TASOR2: variants seen among roughly 807,000 people sequenced by gnomAD.
The protein encoded by TASOR2 is protein TASOR 2.
Under a neutral mutation model 199.5 loss-of-function variants are expected in TASOR2, and 84 were observed. The ratio of observed to expected loss-of-function variants is 0.42; its 90% CI spans 0.35 to 0.50. The LOEUF is 0.50. TASOR2 is among the 20% of genes least tolerant of loss of function. The pLI, the probability that TASOR2 is intolerant of heterozygous loss-of-function variation, is 0.02. For synonymous variants in TASOR2, 1,103 were observed against 1,046.6 expected (o/e 1.05, Z -1.04); for missense variants, 2,796 against 2,835.9 (o/e 0.99, Z 0.32).
rs1214534744 is a variant in TASOR2 at position 5,752,579 on chromosome 10, C to T, written c.6606+2552C>T. 2.6e-5 allele frequency among the ~76,000 whole-genome samples: 4 copies of T among 152,216 alleles called. No homozygotes were observed. The highest frequency in any genetic ancestry group is 5.9e-5 in the Non-Finnish European group (4 of 68,032). The stretch of plus-strand genomic sequence containing the variant: ...TGGCGAGTCCATGGGGGCTGGATTA[C>T]TGAGTAACGAGTTACTTAGTAATGA... On this transcript the variant is annotated intron_variant, in intron 15 of 20. Transcript: ENST00000328090. This position sits in a 1 kb window ranked among gnomAD's most constrained non-coding sequence, Gnocchi z 4.4.
chr10:5,718,709 A>G (rs543902810), intron 3 of TASOR2, among the ~76,000 whole-genome samples: 51 of 151,958 alleles, frequency 3.4e-4, no homozygotes, highest in African/African-American at 1.1e-3. Context: ...CAGTGAGCCA[A>G]GATCACGCCA....
chr10:5,727,686 G>A lies in TASOR2; in HGVS notation c.487+563G>A, dbSNP rs554826247. Among the ~76,000 whole-genome samples, 170 of 152,246 alleles carry A rather than the reference G, an allele frequency of 1.1e-3. 2 individuals carry two copies. Among genetic ancestry groups the A allele is most frequent in the Admixed American group, 9.7e-3 (149 of 15,290 alleles). ...GGGAAGGAGGATGACTAAAAAGATT[G>A]AGAAACACTAATCTAGCTTATTCTT... On this transcript the variant is annotated intron_variant, in intron 10 of 20. Transcript: ENST00000328090.
intron 18 of TASOR2, among the ~76,000 whole-genome samples, chr10:5,759,446 G>GA (rs1839450753): frequency 6.6e-6 from 1 of 152,210 alleles, no homozygotes; most frequent in African/African-American, 2.4e-5. Flanking sequence ...ATTTATAAAA[G>GA]AAAAAAATAC....
Position 5,699,078 on chromosome 10 carries a change from C to T in TASOR2, c.-287-13745C>T, listed in dbSNP as rs531214509. Among the ~76,000 whole-genome samples the T allele has an allele frequency of 6.6e-6, 1 of 152,220 alleles. No homozygotes were observed. The highest frequency in any genetic ancestry group is 2.4e-5 in the African/African-American group (1 of 41,538). ...TAATAGCCAAAATGTAGAAACAACCCAAATGTGCATCAGTTGATGGATAAA... is the reference window on the plus strand; with the variant it reads ...TAATAGCCAAAATGTAGAAACAACCTAAATGTGCATCAGTTGATGGATAAA... On this transcript the variant is annotated intron_variant, in intron 1 of 20. Coordinates refer to ENST00000328090, the Ensembl canonical transcript of TASOR2. This position sits in a 1 kb window ranked among gnomAD's most constrained non-coding sequence, Gnocchi z 4.1.
chr10:5,762,619 T>C (rs369364561), exon 20 of TASOR2: 31 of 1,465,700 alleles, frequency 2.1e-5, no homozygotes, highest in Middle Eastern at 1.8e-4. Flanking sequence ...ATAGAAAAAA[T>C]AGCAGCTCCA....
intron 8 of TASOR2, 119 bp downstream of exon 9, chr10:5,724,652 G>T: frequency 5.5e-6 from 1 of 180,990 alleles, no homozygotes; most frequent in Non-Finnish European, 1.1e-5. Context: ...TAGATAGATA[G>T]ATATAGATAT....
chr10:5,714,246 T>G (rs1832311618), intron 2 of TASOR2, 39 bp downstream of exon 3: 1 of 1,189,432 alleles, frequency 8.4e-7, no homozygotes, highest in South Asian at 4.3e-5. Flanking sequence ...AAAAAAAATC[T>G]TCTTTTACAA....
chr10:5,707,414 C>T (rs987470763), intron 1 of TASOR2, among the ~76,000 whole-genome samples: 1 of 152,016 alleles, frequency 6.6e-6, no homozygotes, highest in Admixed American at 6.6e-5. Context: ...TGTTCTGTTC[C>T]GTTCTATGTT....
At chr10:5,684,960 C>A (rs1418302579) in exon 1 of TASOR2, 2 of 397,728 alleles carry the variant, frequency 5.0e-6, no homozygotes, top group African/African-American at 4.1e-5. Context: ...GCCGCGGCGT[C>A]CCTGTCAGCG....
At chr10:5,747,803 C>T (rs750890034) in exon 15 of TASOR2, 1 of 1,613,874 alleles carries the variant, frequency 6.2e-7, no homozygotes, top group Non-Finnish European at 8.5e-7. Flanking sequence ...CCTACCCATC[C>T]AGTGGGGCAA....
At position 5,750,098 on chromosome 10, in the gene TASOR2, A is replaced by G; in HGVS notation, c.6606+71A>G. On this transcript the variant is annotated intron_variant, in intron 15 of 20. Coordinates refer to ENST00000328090, the Ensembl canonical transcript of TASOR2. The surrounding 1 kb of genome is among the most constrained non-coding windows in gnomAD (Gnocchi z 5.4). ...TAGTTTTAGAAATAATAAATTTAGC[A>G]TATTAGCCATCAAAAAGAAATCATG... 1.4e-6 allele frequency: 2 copies of G among 1,452,062 alleles called. No homozygotes were observed. The highest frequency in any genetic ancestry group is 9.1e-7 in the Non-Finnish European group (1 of 1,094,042). The allele number at this position is 1,452,062 out of a possible 1,614,324, so 89.9% of individuals were successfully genotyped here. A position where few individuals can be genotyped will look rare whatever the true frequency, so the allele number is the denominator to read the frequency against.
At chr10:5,747,157 A>C in exon 15 of TASOR2, 3 of 1,614,168 alleles carry the variant, frequency 1.9e-6, no homozygotes, top group Non-Finnish European at 2.5e-6. Flanking sequence ...GAATGGTCCA[A>C]ACACTGAAAA....
At chr10:5,762,635 G>T in exon 20 of TASOR2, 1 of 1,407,024 alleles carries the variant, frequency 7.1e-7, no homozygotes, top group South Asian at 1.3e-5. Context: ...CTCCATTTAG[G>T]AGTAGCTATT....
At position 5,742,025 on chromosome 10, in the gene TASOR2, G is replaced by A. The variant is rs1836504071; in HGVS notation, c.2328-72G>A. On this transcript the variant is annotated intron_variant, in intron 13 of 20. Coordinates refer to ENST00000328090, the Ensembl canonical transcript of TASOR2. This position sits in a 1 kb window ranked among gnomAD's most constrained non-coding sequence, Gnocchi z 4.2. ...AAACTAAGGAATATTGGAGGCACTT[G>A]CTTATGATAAGGTAATCAACTAAAA... is the stretch of plus-strand genomic sequence containing the variant. The A allele has an allele frequency of 7.0e-6, 10 of 1,437,066 alleles. 1 individual carries two copies. The South Asian group carries it at 1.3e-4, about 18-fold the overall frequency. 89.0% of individuals were successfully genotyped at this position (1,437,066 alleles called of 1,614,324 possible).
Position 5,703,626 on chromosome 10 carries a change from C to A in TASOR2, c.-287-9197C>A, listed in dbSNP as rs370398597. Among the ~76,000 whole-genome samples the A allele has an allele frequency of 2.4e-4, 36 of 150,762 alleles. 1 individual carries two copies. The South Asian group carries it at 7.4e-3, about 31-fold the overall frequency. On this transcript the variant is annotated intron_variant, in intron 1 of 20. Transcript: ENST00000328090. ...TCATGCCATTCTCCTGCCTCAGCCT[C>A]CCGAGTATCTGGGACTACAGGCGCC...
chr10:5,714,222 C>T lies in TASOR2; in HGVS notation c.-192+1304C>T. 8.1e-7 allele frequency: 1 copy of T among 1,227,528 alleles called. No homozygotes were observed. The highest frequency in any genetic ancestry group is 1.0e-6 in the Non-Finnish European group (1 of 984,086). 76.0% of individuals were successfully genotyped at this position (1,227,528 alleles called of 1,614,324 possible). A position where few individuals can be genotyped will look rare whatever the true frequency, so the allele number is the denominator to read the frequency against. On this transcript the variant is annotated intron_variant, in intron 2 of 20. Transcript: ENST00000328090. The stretch of plus-strand genomic sequence containing the variant: ...TCCAGCCAAAGGTAAGTCCGTAAAG[C>T]AAAAAGAATCTTAAAAAAAAATCTT...
At position 5,721,000 on chromosome 10, in the gene TASOR2, A is replaced by G. The variant is rs1251758210; in HGVS notation, c.146+30A>G. The G allele has an allele frequency of 1.3e-6, 2 of 1,540,784 alleles. No individual in the cohort carries two copies. ...GTATTAAATGTTATGTCCTTTACTA[A>G]TGCTTATATTACAAGTTTTGGGGTT... is the stretch of plus-strand genomic sequence containing the variant. On this transcript the variant is annotated intron_variant, in intron 6 of 20. Transcript: ENST00000328090. The surrounding 1 kb of genome is among the most constrained non-coding windows in gnomAD (Gnocchi z 5.3).
exon 15 of TASOR2, chr10:5,747,053 C>T (rs774092512): frequency 6.2e-7 from 1 of 1,614,006 alleles, no homozygotes; most frequent in African/African-American, 1.3e-5. Flanking sequence ...TCATCATCAG[C>T]CTCTACCACC....
Position 5,714,120 on chromosome 10 carries a change from A to G in TASOR2, c.-192+1202A>G, listed in dbSNP as rs867180548. 11 of 1,225,914 alleles carry G rather than the reference A, an allele frequency of 9.0e-6. No individual in the cohort carries two copies. The Middle Eastern group carries it at 2.2e-3, about 244-fold the overall frequency. The allele number at this position is 1,225,914 out of a possible 1,614,324, so 75.9% of individuals were successfully genotyped here. ...TTGCTTCAAAGACTGAAGCAAAGTA[A>G]TCTTTTGTTTAAAGGCAAAATTGGT... On this transcript the variant is annotated intron_variant, in intron 2 of 20. Transcript: ENST00000328090.
Sources: allele counts gnomAD v4.1 joint callset (sites outside exome capture counted in the v4.1 genomes callset), GRCh38; gene constraint gnomAD v4.1.1; non-coding constraint Gnocchi (gnomAD v3.1); transcripts MANE v1.5; gene names NCBI Gene and HGNC (gene_info 2026-07-23, HGNC 2026-07-21).